Variants in MAPK4 observed in about 807,000 individuals in gnomAD.
MAPK4 encodes mitogen-activated protein kinase 4.
A neutral mutation model predicts 47.7 loss-of-function variants in MAPK4; 22 were observed. The ratio of observed to expected loss-of-function variants is 0.46; its 90% CI spans 0.33 to 0.66. The LOEUF (loss-of-function observed/expected upper bound fraction) is 0.66, where lower values mean the gene tolerates loss of function less well. Among genes scored for constraint, MAPK4 ranks in the 30% least tolerant of loss-of-function variants. MAPK4 has a pLI of 0.02. For synonymous variants in MAPK4, 390 were observed against 365.7 expected, an observed-to-expected ratio of 1.07 and a Z score of -0.76; for missense variants, 736 against 831.7, an observed-to-expected ratio of 0.88 and a Z score of 1.42.
chr18:50,671,356 A>G (rs1027643720), intron 2 of MAPK4, among the ~76,000 whole-genome samples: 5 of 152,242 alleles, frequency 3.3e-5, no homozygotes, highest in Non-Finnish European at 7.3e-5. Flanking sequence ...TTTGGAAAAC[A>G]TAGGCTTTTC....
chr18:50,706,123 G>A (rs750494500), intron 2 of MAPK4: 9 of 152,136 alleles, frequency 5.9e-5, no homozygotes, highest in Admixed American at 2.0e-4. Flanking sequence ...CTCAATAAAC[G>A]ATAGCTATTA....
At chr18:50,679,896 G>A (rs1049817275) in intron 2 of MAPK4, among the ~76,000 whole-genome samples, 4 of 151,806 alleles carry the variant, frequency 2.6e-5, no homozygotes, top group Non-Finnish European at 4.4e-5. Flanking sequence ...GTGCTCTTAC[G>A]CTGTCCTCCT....
intron 5 of MAPK4, 77 bp from the exon 6 acceptor site, chr18:50,729,081 G>T (rs1184399282): frequency 2.4e-6 from 3 of 1,276,016 alleles, no homozygotes; most frequent in Non-Finnish European, 3.3e-6. Context: ...TGGCAAACAG[G>T]GATTAGAGGG....
In MAPK4 at chr18:50,727,932, C is replaced by A. The variant is rs115265143; in HGVS notation, c.1068-1226C>A. Among the ~76,000 whole-genome samples the A allele has an allele frequency of 9.1e-3, 1,385 of 152,352 alleles. 17 individuals are homozygous for A. The highest frequency in any genetic ancestry group is 0.031 in the African/African-American group (1,288 of 41,588). The stretch of plus-strand genomic sequence containing the variant: ...TTGGAATAGAGCAGCCAAGGGTCAG[C>A]GTCTTCACACACTCTTCCTCCTGGA... On this transcript the variant is annotated intron_variant, in intron 5 of 5. Transcript: ENST00000400384.
At chr18:50,594,415 A>T (rs958477978) in intron 1 of MAPK4, among the ~76,000 whole-genome samples, 4 of 152,224 alleles carry the variant, frequency 2.6e-5, no homozygotes, top group African/African-American at 9.6e-5. Context: ...AGACAAATAG[A>T]TCAATGAAAC....
At chr18:50,571,427 G>A (rs1410901117) in intron 1 of MAPK4, among the ~76,000 whole-genome samples, 1 of 152,166 alleles carries the variant, frequency 6.6e-6, no homozygotes, top group Non-Finnish European at 1.5e-5. Context: ...TGTTCTCCTA[G>A]AAGATGTGCC....
intron 1 of MAPK4, among the ~76,000 whole-genome samples, chr18:50,582,321 A>G (rs1421303436): frequency 6.6e-6 from 1 of 152,152 alleles, no homozygotes; most frequent in Non-Finnish European, 1.5e-5. Context: ...AGAAAGCTAA[A>G]TCCTGACTCT....
intron 1 of MAPK4, among the ~76,000 whole-genome samples, chr18:50,660,759 A>T (rs183521299): frequency 6.6e-6 from 1 of 152,278 alleles, no homozygotes; most frequent in South Asian, 2.1e-4. Flanking sequence ...AAGCAGGAGA[A>T]TATTTCAGGA....
Position 50,729,497 on chromosome 18 carries a change from GC to G in MAPK4, c.1413del (p.Thr472ArgfsTer76). The G allele has an allele frequency of 2.1e-6, 3 of 1,455,094 alleles. No homozygotes were observed. Among genetic ancestry groups the G allele is most frequent in the Non-Finnish European group, 9.1e-7 (1 of 1,100,666 alleles). 90.1% of individuals were successfully genotyped at this position (1,455,094 alleles called of 1,614,324 possible). ...LSHWKQAAGA[P>X]PTATGLADTG... ...CGCACTGGAAGCAGGCGGCCGGCGC[GC>G]CCCCCACGGCCACGGGGCTGGCGGA... On this transcript the variant is annotated frameshift_variant, in exon 6 of 6. Transcript: ENST00000400384. LOFTEE classifies it high-confidence loss of function.
chr18:50,583,811 A>G (rs2042366934), intron 1 of MAPK4, among the ~76,000 whole-genome samples: 1 of 152,162 alleles, frequency 6.6e-6, no homozygotes, highest in Non-Finnish European at 1.5e-5. Context: ...TTCACACTGA[A>G]TCAGAATTTC....
chr18:50,637,778 G>C (rs149982546), intron 1 of MAPK4, among the ~76,000 whole-genome samples: 1 of 152,204 alleles, frequency 6.6e-6, no homozygotes, highest in African/African-American at 2.4e-5. Flanking sequence ...TGGCTTGCAC[G>C]TGGCCACCTT....
intron 1 of MAPK4, among the ~76,000 whole-genome samples, chr18:50,591,482 G>A (rs563738716): frequency 1.4e-4 from 21 of 151,246 alleles, no homozygotes; most frequent in African/African-American, 4.9e-4. Context: ...CATGCTGACC[G>A]AGGTGATGGT....
chr18:50,633,945 T>A (rs932576397), intron 1 of MAPK4, among the ~76,000 whole-genome samples: 10 of 152,180 alleles, frequency 6.6e-5, no homozygotes, highest in African/African-American at 2.4e-4. Flanking sequence ...GTGGGGGCCT[T>A]AGTAAGAATT....
chr18:50,729,378 T>C lies in MAPK4; in HGVS notation c.1288T>C (p.Tyr430His). ...GGCCGACTACGGGCGCTCCTGCGAC[T>C]ACAAGGTGGGGTCGCCGTCCTACCT... ...FEADYGRSCD[Y>H]KVGSPSYLDK... Residue 430 changes from tyrosine (Y) to histidine (H), a missense_variant, in exon 6 of 6, where the codon TAC becomes CAC. Tyr to His is a moderately conservative substitution (Grantham distance 83, BLOSUM62 2). Transcript: ENST00000400384. 2 of 1,572,194 alleles carry C rather than the reference T, an allele frequency of 1.3e-6. No homozygotes were observed. The highest frequency in any genetic ancestry group is 1.7e-6 in the Non-Finnish European group (2 of 1,161,394).
At chr18:50,592,308 G>C (rs1235911636) in intron 1 of MAPK4, among the ~76,000 whole-genome samples, 3 of 152,160 alleles carry the variant, frequency 2.0e-5, no homozygotes, top group Non-Finnish European at 2.9e-5. Context: ...GAGGGGCAAG[G>C]AGTTTTTGAC....
intron 2 of MAPK4, among the ~76,000 whole-genome samples, chr18:50,677,150 G>T (rs1192649735): frequency 6.6e-6 from 1 of 152,182 alleles, no homozygotes; most frequent in Non-Finnish European, 1.5e-5. Flanking sequence ...TGATCTGAGT[G>T]TAACAGTTTC....
At chr18:50,622,360 T>A (rs529696332) in intron 1 of MAPK4, among the ~76,000 whole-genome samples, 1 of 152,312 alleles carries the variant, frequency 6.6e-6, no homozygotes, top group East Asian at 1.9e-4. Flanking sequence ...CAGTGTTAGC[T>A]TCCTCTGATG....
At chr18:50,611,562 C>T (rs2149377538) in intron 1 of MAPK4, among the ~76,000 whole-genome samples, 1 of 152,314 alleles carries the variant, frequency 6.6e-6, no homozygotes. Context: ...TATCTAGGCC[C>T]AGGCCAGAAT....
chr18:50,659,357 G>C (rs1027019449), intron 1 of MAPK4, among the ~76,000 whole-genome samples: 1 of 152,236 alleles, frequency 6.6e-6, no homozygotes, highest in Middle Eastern at 3.2e-3. Context: ...GTTCAGGAGA[G>C]GGGAAGAAAG....
Sources: allele counts gnomAD v4.1 joint callset (sites outside exome capture counted in the v4.1 genomes callset), GRCh38; gene constraint gnomAD v4.1.1; transcripts MANE v1.5; gene names NCBI Gene and HGNC (gene_info 2026-07-23, HGNC 2026-07-21).